WNT5A: variants seen among roughly 807,000 people sequenced by gnomAD.
WNT5A encodes protein Wnt-5a.
In WNT5A, 9 loss-of-function variants were observed where a neutral mutation model predicts 42.1. The observed-to-expected ratio is 0.21, with a 90% confidence interval of 0.13 to 0.37. The LOEUF is 0.37. Among genes scored for constraint, WNT5A ranks in the 10% least tolerant of loss-of-function variants. The pLI is 1.00. For missense variants in WNT5A, 426 were observed against 534.0 expected (o/e 0.80, Z 1.99); for synonymous variants, 210 against 210.0 (o/e 1.00, Z 0.00).
chr3:55,489,437 C>A (rs888865017), upstream of WNT5A, among the ~76,000 whole-genome samples: 1 of 152,070 alleles, frequency 6.6e-6, no homozygotes, highest in Admixed American at 6.6e-5. Context: ...CCTCCCCCAC[C>A]TCCACCCCCA....
At chr3:55,482,948 C>G (rs1386447187) in intron 1 of WNT5A, among the ~76,000 whole-genome samples, 3 of 152,246 alleles carry the variant, frequency 2.0e-5, no homozygotes. Context: ...TAGACACACA[C>G]GCTGCGACAT....
In WNT5A at chr3:55,487,187, G is replaced by C. The variant is rs2051595251; in HGVS notation, c.-202C>G. ...GCCTGGACTCCCGAGTTGGGGCAGA[G>C]CTGGGATGCGCCCAGGAATGGAGGG... On this transcript the variant is annotated 5_prime_UTR_variant, in exon 1 of 5. Coordinates refer to ENST00000264634, the MANE Select transcript of WNT5A (RefSeq NM_003392.7). 3.6e-6 allele frequency: 2 copies of C among 557,772 alleles called. No homozygotes were observed. The highest frequency in any genetic ancestry group is 4.0e-5 in the African/African-American group (2 of 50,482). The allele number at this position is 557,772 out of a possible 1,614,324, so 34.6% of individuals were successfully genotyped here. A position where few individuals can be genotyped will look rare whatever the true frequency, so the allele number is the denominator to read the frequency against.
At chr3:55,487,430 T>C (rs2107011856), upstream of WNT5A, 1 of 163,416 alleles carries the variant, frequency 6.1e-6, no homozygotes, top group South Asian at 2.0e-4. Flanking sequence ...AAGAAATTCT[T>C]CACAAGAGGG....
intron 1 of WNT5A, chr3:55,481,444 G>A (rs1372222820): frequency 8.2e-6 from 8 of 979,020 alleles, no homozygotes; most frequent in African/African-American, 1.8e-5. Context: ...GCCAGCGCGG[G>A]GGGTGGAGGA....
intron 4 of WNT5A, among the ~76,000 whole-genome samples, chr3:55,473,962 C>T (rs1351752468): frequency 6.6e-6 from 1 of 152,196 alleles, no homozygotes; most frequent in Non-Finnish European, 1.5e-5. Context: ...TTTCAGGCAA[C>T]TGCTGGTTCA....
Position 55,487,005 on chromosome 3 carries a change from G to A in WNT5A, c.-20C>T, listed in dbSNP as rs1181705288. ...CTTCATGGCGAGGGGGAGGGGGCGC[G>A]GGGAGGAAGTCGCCACCCGAGCGAG... On this transcript the variant is annotated 5_prime_UTR_variant, in exon 1 of 5. Coordinates refer to ENST00000264634, the MANE Select transcript of WNT5A (RefSeq NM_003392.7). The A allele has an allele frequency of 3.1e-6, 5 of 1,610,952 alleles. No homozygotes were observed. Among genetic ancestry groups the A allele is most frequent in the Admixed American group, 3.3e-5 (2 of 59,970 alleles).
At chr3:55,503,657 T>C in the WNT5A span, among the ~76,000 whole-genome samples, 1 of 152,130 alleles carries the variant, frequency 6.6e-6, no homozygotes, top group Non-Finnish European at 1.5e-5. Flanking sequence ...TACTGCACCA[T>C]CAAAAAATTT....
At chr3:55,479,254 A>C in intron 3 of WNT5A, 60 bp downstream of exon 3, 1 of 1,436,298 alleles carries the variant, frequency 7.0e-7, no homozygotes, top group Non-Finnish European at 9.2e-7. Flanking sequence ...GTAAATGCTA[A>C]GGATTTCTTC....
At chr3:55,497,397 GACAA>G in the WNT5A span, 2 of 152,230 alleles carry the variant, frequency 1.3e-5, no homozygotes, top group Non-Finnish European at 2.9e-5. Context: ...ACCATTAGGA[GACAA>G]ACACTCTGCA....
chr3:55,504,922 T>C, the WNT5A span, among the ~76,000 whole-genome samples: 1 of 152,214 alleles, frequency 6.6e-6, no homozygotes, highest in African/African-American at 2.4e-5. Flanking sequence ...TTTTGTCTTT[T>C]TCTGAGCTTT....
chr3:55,480,964 T>C (rs747831469), intron 1 of WNT5A, 46 bp from the exon 2 acceptor site: 1 of 1,406,064 alleles, frequency 7.1e-7, no homozygotes, highest in Admixed American at 2.8e-5. Context: ...TCTCAGATAA[T>C]TTTCAAGCAT....
intron 3 of WNT5A, among the ~76,000 whole-genome samples, chr3:55,475,205 G>T (rs2051332746): frequency 6.6e-6 from 1 of 152,212 alleles, no homozygotes; most frequent in African/African-American, 2.4e-5. Flanking sequence ...GCACATGAAA[G>T]AAGTCATTGA....
chr3:55,491,610 G>C (rs900259243), upstream of WNT5A, among the ~76,000 whole-genome samples: 1 of 152,160 alleles, frequency 6.6e-6, no homozygotes, highest in African/African-American at 2.4e-5. Flanking sequence ...TGTCATTCTG[G>C]GAAAATCTAC....
At chr3:55,479,269 A>C (rs1353977428) in intron 3 of WNT5A, 45 bp downstream of exon 3, 4 of 1,443,386 alleles carry the variant, frequency 2.8e-6, no homozygotes, top group Non-Finnish European at 3.7e-6. Context: ...TTCTTCTAGG[A>C]AAAAAAGTTA....
intron 4 of WNT5A, 127 bp downstream of exon 4, chr3:55,474,210 T>G: frequency 1.7e-6 from 2 of 1,167,934 alleles, no homozygotes; most frequent in African/African-American, 1.5e-5. Flanking sequence ...AGCAGAGAGA[T>G]AGAGACAGGA....
upstream of WNT5A, among the ~76,000 whole-genome samples, chr3:55,492,723 TACTG>T (rs1164686083): frequency 6.6e-6 from 1 of 152,230 alleles, no homozygotes; most frequent in South Asian, 2.1e-4. Flanking sequence ...TGGCAACACT[TACTG>T]AGCTCTATGT....
At chr3:55,479,886 A>T (rs971150599) in intron 2 of WNT5A, among the ~76,000 whole-genome samples, 2 of 152,194 alleles carry the variant, frequency 1.3e-5, no homozygotes, top group African/African-American at 4.8e-5. Context: ...TTTGAGGGAC[A>T]GGCCTCTGAC....
In WNT5A at chr3:55,470,419, G is replaced by T. The variant is rs377043203; in HGVS notation, c.816C>A (p.Ser272Arg). 6.2e-7 allele frequency: 1 copy of T among 1,612,956 alleles called. No homozygotes were observed. The highest frequency in any genetic ancestry group is 1.1e-5 in the South Asian group (1 of 90,850). ...GGCTGTTGAGCCGCATGGCCGCCGCGCTGTCGTACTTCTCCTTCAGGGCAT... is the reference window on the plus strand; with the variant it reads ...GGCTGTTGAGCCGCATGGCCGCCGCTCTGTCGTACTTCTCCTTCAGGGCAT... ...VGDALKEKYD[S>R]AAAMRLNSRG... is the part of the protein sequence containing the mutation. Residue 272 changes from serine to arginine, a missense_variant, in exon 5 of 5, where the codon AGC (serine) becomes AGA (arginine). Transcript: ENST00000264634.
upstream of WNT5A, among the ~76,000 whole-genome samples, chr3:55,488,499 G>C (rs554823856): frequency 2.1e-4 from 31 of 146,538 alleles, no homozygotes; most frequent in African/African-American, 6.1e-4. Flanking sequence ...AGAGGGAAGG[G>C]GGGGGAAGAA....
Sources: gnomAD v4.1 joint callset for allele counts (sites outside exome capture counted in the v4.1 genomes callset) on GRCh38, gnomAD v4.1.1 for gene constraint, MANE v1.5 for transcripts, NCBI Gene and HGNC (gene_info 2026-07-23, HGNC 2026-07-21) for gene names.